Variants in MYO16 observed in about 807,000 individuals in gnomAD.
MYO16 encodes the protein myosin XVI.
MYO16 carries 94 observed loss-of-function variants against 205.3 expected under a neutral mutation model. That is an observed-to-expected ratio of 0.46 (90% CI 0.39 to 0.54). The LOEUF is 0.54. MYO16 is among the 20% of genes least tolerant of loss of function. MYO16 has a pLI of 0.00. For synonymous variants in MYO16, 988 were observed against 954.0 expected (o/e 1.04, Z -0.66); for missense variants, 2,315 against 2,387.5 (o/e 0.97, Z 0.63).
chr13:108,861,744 ATCT>A (rs1336734019), intron 11 of MYO16, among the ~76,000 whole-genome samples: 1 of 152,168 alleles, frequency 6.6e-6, no homozygotes, highest in Non-Finnish European at 1.5e-5. Flanking sequence ...TCATTTGATT[ATCT>A]TCTTTTGTGA....
rs1243433076 is a variant in MYO16, at chr13:108,663,338, ATAT to A, written c.29-2544_29-2542del. ...ATTTTTTTTTTGAGATCAACTGGTC[ATAT>A]TATATATCTTATCGATTCATAGACA... On this transcript the variant is annotated intron_variant, in intron 1 of 34. Coordinates refer to ENST00000457511, the MANE Select transcript of MYO16 (RefSeq NM_001198950.3). Among the ~76,000 whole-genome samples, 8 of 152,070 alleles carry A rather than the reference ATAT, an allele frequency of 5.3e-5. No individual in the cohort carries two copies. The South Asian group carries it at 1.5e-3, about 28-fold the overall frequency.
rs58645882 is a variant in MYO16 at position 108,752,808 on chromosome 13, A to AT, written c.507+25250dup. ...AGACACCTGCCACCGTGCCCAGCTA[A>AT]TTTTTTTTTTTTTTTTTTTTTTTTT... On this transcript the variant is annotated intron_variant, in intron 4 of 34. Coordinates refer to ENST00000457511, the MANE Select transcript of MYO16 (RefSeq NM_001198950.3). 4.4e-3 allele frequency among the ~76,000 whole-genome samples: 402 copies of AT among 90,560 alleles called. 9 individuals carry two copies. Among genetic ancestry groups the AT allele is most frequent in the African/African-American group, 0.016 (384 of 24,450 alleles). The allele number at this position is 90,560 out of a possible 152,430, so 59.4% of individuals were successfully genotyped here. A position where few individuals can be genotyped will look rare whatever the true frequency, so the allele number is the denominator to read the frequency against.
chr13:108,603,294 T>A (rs1281886247), intron 1 of MYO16, among the ~76,000 whole-genome samples: 1 of 152,158 alleles, frequency 6.6e-6, no homozygotes, highest in Non-Finnish European at 1.5e-5. Flanking sequence ...CTTGGAGGCA[T>A]TAAATTGACT....
intron 3 of MYO16, among the ~76,000 whole-genome samples, chr13:108,715,160 C>A (rs1159373505): frequency 6.6e-6 from 1 of 152,232 alleles, no homozygotes; most frequent in Non-Finnish European, 1.5e-5. Flanking sequence ...CTCTGCTCTG[C>A]TGACACCGGC....
At chr13:108,972,078 C>T (rs961810203) in intron 20 of MYO16, among the ~76,000 whole-genome samples, 1 of 148,880 alleles carries the variant, frequency 6.7e-6, no homozygotes, top group Non-Finnish European at 1.5e-5. Flanking sequence ...TGTGATGGTA[C>T]ATACCTGTGG....
chr13:109,151,833 A>T (rs1185621545), intron 32 of MYO16, among the ~76,000 whole-genome samples: 2 of 152,246 alleles, frequency 1.3e-5, no homozygotes, highest in African/African-American at 4.8e-5. Context: ...CCATGTCACT[A>T]AAAAGCAAAC....
intron 3 of MYO16, among the ~76,000 whole-genome samples, chr13:108,714,654 T>C (rs937951556): frequency 2.6e-5 from 4 of 152,044 alleles, no homozygotes; most frequent in African/African-American, 9.7e-5. Flanking sequence ...TTAATTTTTA[T>C]ATTTTTCAAA....
chr13:108,978,344 T>C (rs550442507), intron 20 of MYO16, among the ~76,000 whole-genome samples: 12 of 152,236 alleles, frequency 7.9e-5, no homozygotes, highest in African/African-American at 2.9e-4. Flanking sequence ...TTGTTTAGTT[T>C]ACAAAATAAT....
chr13:109,196,626 G>A (rs900233162), intron 34 of MYO16, among the ~76,000 whole-genome samples: 2 of 152,158 alleles, frequency 1.3e-5, no homozygotes, highest in Admixed American at 6.5e-5. Context: ...CACATTTTAG[G>A]TGGTCCAAAC....
At chr13:109,010,458 C>A (rs1000504230) in intron 22 of MYO16, among the ~76,000 whole-genome samples, 4 of 152,172 alleles carry the variant, frequency 2.6e-5, no homozygotes, top group African/African-American at 9.7e-5. Flanking sequence ...TAATCAACCA[C>A]CTTATCCATG....
intron 12 of MYO16, among the ~76,000 whole-genome samples, chr13:108,872,835 A>G (rs539648946): frequency 3.3e-5 from 5 of 152,308 alleles, no homozygotes; most frequent in East Asian, 1.9e-4. Flanking sequence ...AAAGCTTACA[A>G]TAAAATTACC....
intron 32 of MYO16, among the ~76,000 whole-genome samples, chr13:109,143,319 A>G (rs1877188199): frequency 1.3e-5 from 2 of 152,148 alleles, no homozygotes; most frequent in South Asian, 4.1e-4. Context: ...CCTTCTCCCT[A>G]TTTATTCTTC....
At chr13:108,907,770 T>C (rs897636035) in intron 15 of MYO16, among the ~76,000 whole-genome samples, 4 of 152,194 alleles carry the variant, frequency 2.6e-5, no homozygotes, top group Admixed American at 1.3e-4. Context: ...ATGAAATGTA[T>C]TGAAGTGACT....
At chr13:108,795,860 A>T (rs1886773820) in intron 6 of MYO16, among the ~76,000 whole-genome samples, 2 of 152,214 alleles carry the variant, frequency 1.3e-5, no homozygotes, top group African/African-American at 4.8e-5. Context: ...CATGTTGGTC[A>T]TATTGTTGCC....
chr13:108,613,831 A>G (rs1479384867), intron 1 of MYO16, among the ~76,000 whole-genome samples: 1 of 152,088 alleles, frequency 6.6e-6, no homozygotes, highest in Non-Finnish European at 1.5e-5. Flanking sequence ...GACAAAATAT[A>G]ACTCCCTTTT....
intron 23 of MYO16, among the ~76,000 whole-genome samples, chr13:109,022,412 T>TAG (rs1491350515): frequency 1.6e-5 from 2 of 126,516 alleles, no homozygotes; most frequent in Admixed American, 8.6e-5. Flanking sequence ...TATGTATATA[T>TAG]TGTATATACA....
chr13:108,558,163 A>G, the MYO16 span, among the ~76,000 whole-genome samples: 1 of 152,190 alleles, frequency 6.6e-6, no homozygotes. Context: ...AGCAAAGATA[A>G]AGGTGCCAGA....
intron 27 of MYO16, among the ~76,000 whole-genome samples, chr13:109,085,166 C>T (rs1330449675): frequency 6.6e-6 from 1 of 152,026 alleles, no homozygotes; most frequent in Admixed American, 6.6e-5. Context: ...CATGAAGGGT[C>T]CTGGTGCCAA....
intron 13 of MYO16, among the ~76,000 whole-genome samples, chr13:108,887,802 T>C (rs1486517838): frequency 6.6e-6 from 1 of 152,222 alleles, no homozygotes; most frequent in Non-Finnish European, 1.5e-5. Context: ...AGGCACTTTA[T>C]GTTCATTTCA....
Sources: allele counts gnomAD v4.1 joint callset (sites outside exome capture counted in the v4.1 genomes callset), GRCh38; gene constraint gnomAD v4.1.1; transcripts MANE v1.5; gene names NCBI Gene and HGNC (gene_info 2026-07-23, HGNC 2026-07-21).